Variants in ELP4 observed in about 807,000 individuals in gnomAD.
ELP4 encodes elongator complex protein 4.
ELP4 carries 51 observed loss-of-function variants against 48.9 expected under a neutral mutation model. That is an observed-to-expected ratio of 1.04 (90% CI 0.83 to 1.32). The LOEUF (loss-of-function observed/expected upper bound fraction) is 1.32, where lower values mean the gene tolerates loss of function less well. ELP4 is among the 40% of genes most tolerant of loss of function. The pLI is 0.00. For missense variants in ELP4, 519 were observed against 514.6 expected (o/e 1.01, Z -0.08); for synonymous variants, 210 against 189.2 (o/e 1.11, Z -0.90).
chr11:31,586,632 G>A (rs1371979440), intron 3 of ELP4, among the ~76,000 whole-genome samples: 2 of 151,362 alleles, frequency 1.3e-5, no homozygotes, highest in African/African-American at 4.9e-5. Flanking sequence ...GTCAAATTTT[G>A]TATGTTTTTT....
intron 3 of ELP4, among the ~76,000 whole-genome samples, chr11:31,568,215 AG>A (rs1182929779): frequency 1.3e-5 from 2 of 152,234 alleles, no homozygotes; most frequent in African/African-American, 2.4e-5. Context: ...AGCCACAAAA[AG>A]AATAAAATAC....
In ELP4 at chr11:31,727,386, A is replaced by T. The variant is rs550723125; in HGVS notation, c.1144-56007A>T. ...TTATGGGAGAAGGAGGACTTGGGAG[A>T]ATCAGGTCTCATGTTCTTTCTAATA... On this transcript the variant is annotated intron_variant, in intron 9 of 9. Coordinates refer to ENST00000640961, the MANE Select transcript of ELP4 (RefSeq NM_019040.5). Among the ~76,000 whole-genome samples, 16 of 152,200 alleles carry T rather than the reference A, an allele frequency of 1.1e-4. No homozygotes were observed. The South Asian group carries it at 2.7e-3, about 26-fold the overall frequency.
chr11:31,726,851 G>A (rs1345653567), intron 9 of ELP4, among the ~76,000 whole-genome samples: 2 of 152,130 alleles, frequency 1.3e-5, no homozygotes, highest in African/African-American at 4.8e-5. Flanking sequence ...GTATTGGTTT[G>A]CATGTTAATA....
intron 3 of ELP4, among the ~76,000 whole-genome samples, chr11:31,588,119 C>T (rs1191041242): frequency 6.6e-6 from 1 of 151,976 alleles, no homozygotes; most frequent in Non-Finnish European, 1.5e-5. Context: ...ATGTTATACT[C>T]CACATGATTT....
At position 31,790,119 on chromosome 11, in the gene ELP4, A is replaced by C. The variant is rs563795282; in HGVS notation, c.*6595A>C. ...TTACAAAAAAAAAAAAAAAAAAAAA[A>C]ACTAATACTTTCTAACATTTTTTAC... On this transcript the variant is annotated 3_prime_UTR_variant, in exon 10 of 10. Transcript: ENST00000640961. The C allele has an allele frequency of 4.0e-5, 31 of 771,886 alleles. 1 individual carries two copies. In the African/African-American group the frequency reaches 5.0e-4, roughly 12 times the overall value. The allele number at this position is 771,886 out of a possible 1,614,324, so 47.8% of individuals were successfully genotyped here.
chr11:31,535,496 C>T (rs1285099713), intron 2 of ELP4, among the ~76,000 whole-genome samples: 1 of 152,206 alleles, frequency 6.6e-6, no homozygotes, highest in East Asian at 1.9e-4. Context: ...GTGCACACCA[C>T]CACACCCAGC....
chr11:31,712,491 A>G (rs1565123340), intron 9 of ELP4, among the ~76,000 whole-genome samples: 1 of 152,124 alleles, frequency 6.6e-6, no homozygotes, highest in Non-Finnish European at 1.5e-5. Flanking sequence ...TGAAAACAAT[A>G]TTATATTAAT....
intron 2 of ELP4, among the ~76,000 whole-genome samples, chr11:31,533,800 G>A (rs1056801120): frequency 3.3e-5 from 5 of 151,968 alleles, no homozygotes; most frequent in Non-Finnish European, 5.9e-5. Flanking sequence ...GACAGTTACA[G>A]TCATTTAGGT....
intron 9 of ELP4, among the ~76,000 whole-genome samples, chr11:31,704,602 G>C (rs766736392): frequency 6.6e-6 from 1 of 151,922 alleles, no homozygotes; most frequent in Non-Finnish European, 1.5e-5. Flanking sequence ...AAACCTGCAC[G>C]TTGTGCACAT....
chr11:31,530,027 C>G (rs138364651), intron 2 of ELP4, among the ~76,000 whole-genome samples: 221 of 152,280 alleles, frequency 1.5e-3, no homozygotes, highest in African/African-American at 5.2e-3. Context: ...TCTTCTTTTT[C>G]TTACTTTCCC....
intron 1 of ELP4, chr11:31,512,329 G>T (rs922549084): frequency 6.6e-6 from 1 of 151,994 alleles, no homozygotes; most frequent in Non-Finnish European, 1.5e-5. Flanking sequence ...TACTGCCACC[G>T]TGACGTCATT....
At chr11:31,544,476 T>A (rs1051152499) in intron 3 of ELP4, among the ~76,000 whole-genome samples, 2 of 152,148 alleles carry the variant, frequency 1.3e-5, no homozygotes, top group African/African-American at 4.8e-5. Flanking sequence ...CCAGGTTTGC[T>A]TAGGTAAACA....
Position 31,675,466 on chromosome 11 carries a change from G to T in ELP4, c.1143+25245G>T, listed in dbSNP as rs906317420. ...TTTGGTAGAGACAGGGTTTCTCCAT[G>T]TTGAGGCTGGTCTCGAACTCCTGAC... On this transcript the variant is annotated intron_variant, in intron 9 of 9. Transcript: ENST00000640961. Among the ~76,000 whole-genome samples, 6 of 152,152 alleles carry T rather than the reference G, an allele frequency of 3.9e-5. No homozygotes were observed. The East Asian group carries it at 1.2e-3, about 29-fold the overall frequency.
At chr11:31,541,315 G>C (rs1403238502) in intron 3 of ELP4, 4 of 152,132 alleles carry the variant, frequency 2.6e-5, no homozygotes, top group Non-Finnish European at 4.4e-5. Context: ...TCCTCTGGTT[G>C]TAGGGCTTAT....
At chr11:31,516,594 C>T (rs1254868436) in intron 1 of ELP4, among the ~76,000 whole-genome samples, 2 of 152,226 alleles carry the variant, frequency 1.3e-5, no homozygotes, top group African/African-American at 4.8e-5. Context: ...TTCCCATGCT[C>T]AATTGATCCT....
intron 5 of ELP4, among the ~76,000 whole-genome samples, chr11:31,623,089 A>G (rs1282834142): frequency 2.0e-5 from 3 of 151,066 alleles, no homozygotes; most frequent in Admixed American, 6.6e-5. Flanking sequence ...ACAAATTCAT[A>G]TAATGTGATC....
At chr11:31,549,993 G>T (rs1446617857) in intron 3 of ELP4, among the ~76,000 whole-genome samples, 1 of 152,144 alleles carries the variant, frequency 6.6e-6, no homozygotes, top group East Asian at 1.9e-4. Context: ...TTGTGAGGTG[G>T]GGTAGGGGGG....
intron 6 of ELP4, among the ~76,000 whole-genome samples, 177 bp from the exon 7 acceptor site, chr11:31,632,040 T>C (rs2134045902): frequency 6.6e-6 from 1 of 152,254 alleles, no homozygotes. Context: ...TTTTATAATC[T>C]TGTAATCTAA....
Position 31,588,622 on chromosome 11 carries a change from C to T in ELP4, c.382-6148C>T, listed in dbSNP as rs74749452. Among the ~76,000 whole-genome samples the T allele has an allele frequency of 2.8e-3, 428 of 152,052 alleles. 21 individuals are homozygous for T. In the East Asian group the frequency reaches 0.074, roughly 26 times the overall value. Reference sequence around the variant, plus strand: ...ATTTTTTAAAAATTCCAGGATATATCGGCTGAAAAACTTTTATGTTTTTCA... The same window carrying T: ...ATTTTTTAAAAATTCCAGGATATATTGGCTGAAAAACTTTTATGTTTTTCA... On this transcript the variant is annotated intron_variant, in intron 3 of 9. Coordinates refer to ENST00000640961, the MANE Select transcript of ELP4 (RefSeq NM_019040.5).
Sources: allele counts gnomAD v4.1 joint callset (sites outside exome capture counted in the v4.1 genomes callset), GRCh38; gene constraint gnomAD v4.1.1; transcripts MANE v1.5; gene names NCBI Gene and HGNC (gene_info 2026-07-23, HGNC 2026-07-21).